ELP2: variants seen among roughly 807,000 people sequenced by gnomAD.
ELP2 encodes the protein elongator acetyltransferase complex subunit 2.
A neutral mutation model predicts 119.2 loss-of-function variants in ELP2; 90 were observed. The ratio of observed to expected loss-of-function variants is 0.75; its 90% confidence interval spans 0.64 to 0.90. The LOEUF (loss-of-function observed/expected upper bound fraction) is 0.90. Among genes scored for constraint, ELP2 ranks in the 40% least tolerant of loss-of-function variants. The pLI is 0.00. For missense variants in ELP2, 921 were observed against 967.8 expected (o/e 0.95, Z 0.64); for synonymous variants, 339 against 331.0 (o/e 1.02, Z -0.26).
intron 13 of ELP2, 101 bp downstream of exon 13, chr18:36,156,755 A>G: frequency 9.4e-7 from 1 of 1,061,990 alleles, no homozygotes; most frequent in South Asian, 1.4e-5. Context: ...GGGTAGAAAG[A>G]AAGTAATATT....
In ELP2 at chr18:36,178,753, A is replaced by G. The variant is rs1461890788; in HGVS notation, c.*4112A>G. ...AAAAAAAAAAAAAAAGTTCTCTTGA[A>G]TCATAATTTCAGTATTTATGGATGA... On this transcript the variant is annotated 3_prime_UTR_variant, in exon 22 of 22. Coordinates refer to ENST00000358232, the MANE Select transcript of ELP2 (RefSeq NM_018255.4). The G allele has an allele frequency of 6.6e-5, 10 of 151,924 alleles. No homozygotes were observed. The highest frequency in any genetic ancestry group is 2.4e-4 in the African/African-American group (10 of 41,354). 9.4% of individuals were successfully genotyped at this position (151,924 alleles called of 1,614,324 possible). A position where few individuals can be genotyped will look rare whatever the true frequency, so the allele number is the denominator to read the frequency against.
intron 19 of ELP2, among the ~76,000 whole-genome samples, 176 bp downstream of exon 19, chr18:36,167,398 T>A (rs2090940856): frequency 6.6e-6 from 1 of 152,218 alleles, no homozygotes; most frequent in African/African-American, 2.4e-5. Context: ...TGTTAAATTC[T>A]ATAAGTAAAT....
At chr18:36,149,488 GT>G (rs71166097) in intron 11 of ELP2, among the ~76,000 whole-genome samples, 7 of 125,094 alleles carry the variant, frequency 5.6e-5, no homozygotes, top group African/African-American at 1.5e-4. Flanking sequence ...GTTTTGTTTT[GT>G]TTTTTTTTTT....
chr18:36,134,851 G>A (rs1299982337), intron 2 of ELP2, among the ~76,000 whole-genome samples: 1 of 152,048 alleles, frequency 6.6e-6, no homozygotes, highest in Non-Finnish European at 1.5e-5. Context: ...TTTTGATATG[G>A]GTTCTGAATT....
intron 21 of ELP2, among the ~76,000 whole-genome samples, chr18:36,172,631 A>G (rs192505552): frequency 3.9e-4 from 59 of 152,190 alleles, no homozygotes; most frequent in Non-Finnish European, 6.9e-4. Context: ...TTGAAATTCC[A>G]TGCTTCAGGC....
intron 8 of ELP2, 118 bp from the exon 9 acceptor site, chr18:36,144,821 A>T: frequency 1.3e-6 from 1 of 775,426 alleles, no homozygotes; most frequent in Non-Finnish European, 2.2e-6. Flanking sequence ...TTGAATCCCA[A>T]CTATCATATT....
chr18:36,142,884 G>T lies in ELP2; in HGVS notation c.714G>T (p.Leu238=). 1.2e-6 allele frequency: 2 copies of T among 1,604,534 alleles called. No individual in the cohort carries two copies. Among genetic ancestry groups the T allele is most frequent in the Non-Finnish European group, 1.7e-6 (2 of 1,172,174 alleles). Residue 238 remains leucine, a synonymous_variant, in exon 8 of 22, where the codon CTG becomes CTT. Coordinates refer to ENST00000358232, the MANE Select transcript of ELP2 (RefSeq NM_018255.4). ...SQDCLIRIWK[L]YIKSTSLETQ... ...ATTGCCTGATAAGAATATGGAAGCT[G>T]TATATAAAGTCAACATCTTTAGAAA...
intron 3 of ELP2, among the ~76,000 whole-genome samples, chr18:36,137,793 A>G (rs1391901746): frequency 1.7e-5 from 2 of 118,102 alleles, no homozygotes; most frequent in Admixed American, 2.2e-4. Context: ...AAGTATACTC[A>G]TATTATCACC....
intron 17 of ELP2, 51 bp from the exon 18 acceptor site, chr18:36,164,419 TTTCTC>T (rs1384289432): frequency 2.0e-6 from 3 of 1,495,908 alleles, no homozygotes; most frequent in East Asian, 4.5e-5. Context: ...TTTAAAATGT[TTTCTC>T]TTCAGTTTAT....
Position 36,142,826 on chromosome 18 carries a change from G to T in ELP2, c.656G>T (p.Gly219Val). 1 of 1,593,870 alleles carries T rather than the reference G, an allele frequency of 6.3e-7. No homozygotes were observed. The highest frequency in any genetic ancestry group is 1.3e-5 in the African/African-American group (1 of 74,472). The change falls in exon 8 of 22, where the codon GGT (glycine) becomes GTT (valine). Residue 219 changes from glycine to valine, a missense_variant and splice_region_variant. Transcript: ENST00000358232. Reference protein sequence around the residue: ...WIRGVEWAAFGRDLFLASCSQ... With the variant: ...WIRGVEWAAFVRDLFLASCSQ... Reference sequence around the variant, plus strand: ...TTAATACAACTTATTTTTTAATTAGGTAGAGATCTTTTCCTAGCAAGCTGT... The same window carrying T: ...TTAATACAACTTATTTTTTAATTAGTTAGAGATCTTTTCCTAGCAAGCTGT...
In ELP2 at chr18:36,170,097, A is replaced by G. The variant is rs199910336; in HGVS notation, c.2111A>G (p.Asp704Gly). The G allele has an allele frequency of 1.5e-4, 237 of 1,614,070 alleles. 1 individual carries two copies. In the South Asian group the frequency reaches 1.9e-3, roughly 13 times the overall value. Residue 704 changes from aspartate (D) to glycine (G), a missense_variant, in exon 20 of 22, where the codon GAC (aspartate) becomes GGC (glycine). Coordinates refer to ENST00000358232, the MANE Select transcript of ELP2 (RefSeq NM_018255.4). ...VVWGECDSTDDCIEHNIGPCS... is the reference protein window; with the variant it reads ...VVWGECDSTDGCIEHNIGPCS... ...TGGGGTGAGTGCGACTCCACTGATG[A>G]CTGTATTGAGCACAACATTGGCCCC...
chr18:36,132,231 G>A (rs79463406), intron 1 of ELP2, among the ~76,000 whole-genome samples: 8,197 of 152,222 alleles, frequency 0.054, 278 homozygotes, highest in East Asian at 0.098. Flanking sequence ...CATTTCAAAT[G>A]CTAAAATAAA....
In ELP2 at chr18:36,138,671, G is replaced by T; in HGVS notation, c.446-124G>T. 68 of 926,032 alleles carry T rather than the reference G, an allele frequency of 7.3e-5. No homozygotes were observed. The South Asian group carries it at 8.9e-4, about 12-fold the overall frequency. 57.4% of individuals were successfully genotyped at this position (926,032 alleles called of 1,614,324 possible). A position where few individuals can be genotyped will look rare whatever the true frequency, so the allele number is the denominator to read the frequency against. ...ATTTAACTTCACATGGTCAGTGGGG[G>T]CTCAGGATTGACTTCTCTCATCTCC... On this transcript the variant is annotated intron_variant, in intron 4 of 21. Coordinates refer to ENST00000358232, the MANE Select transcript of ELP2 (RefSeq NM_018255.4).
intron 18 of ELP2, 193 bp from the exon 19 acceptor site, chr18:36,166,908 C>T (rs2090924941): frequency 2.4e-6 from 1 of 414,786 alleles, no homozygotes; most frequent in African/African-American, 2.1e-5. Context: ...AAAGCATTCC[C>T]TACTAGAAAA....
chr18:36,143,092 T>C, intron 8 of ELP2, 126 bp downstream of exon 8: 4 of 706,944 alleles, frequency 5.7e-6, no homozygotes, highest in Non-Finnish European at 9.2e-6. Context: ...CTGAAATTTC[T>C]TTTTTCTTTC....
intron 16 of ELP2, among the ~76,000 whole-genome samples, chr18:36,160,534 C>T (rs2090703964): frequency 6.7e-6 from 1 of 149,992 alleles, no homozygotes; most frequent in Non-Finnish European, 1.5e-5. Context: ...GCCATGATTG[C>T]ACCACTGCAC....
In ELP2 at chr18:36,167,198, C is replaced by A; in HGVS notation, c.2052C>A (p.Phe684Leu). 2 of 1,593,434 alleles carry A rather than the reference C, an allele frequency of 1.3e-6. No homozygotes were observed. Among genetic ancestry groups the A allele is most frequent in the South Asian group, 1.2e-5 (1 of 85,636 alleles). Residue 684 changes from phenylalanine (F) to leucine (L), a missense_variant, in exon 19 of 22, where the codon TTC (phenylalanine) becomes TTA (leucine). By Grantham distance (22) the Phe-to-Leu change is conservative (BLOSUM62 0). Coordinates refer to ENST00000358232, the MANE Select transcript of ELP2 (RefSeq NM_018255.4). Reference protein sequence around the residue: ...SCDWSPDSKYFFTGSRDKKVV... With the variant: ...SCDWSPDSKYLFTGSRDKKVV... ...ATTGGAGTCCTGACAGCAAGTATTT[C>A]TTCACTGGGAGTCGAGACAAAAAGG... is the stretch of plus-strand genomic sequence containing the variant.
At chr18:36,143,075 T>C (rs2090086879) in intron 8 of ELP2, 109 bp downstream of exon 8, 2 of 777,594 alleles carry the variant, frequency 2.6e-6, no homozygotes, top group African/African-American at 3.6e-5. Flanking sequence ...AATTGTCAGA[T>C]TCCTACCTGA....
At chr18:36,150,388 T>C (rs1406400359) in intron 11 of ELP2, among the ~76,000 whole-genome samples, 4 of 152,206 alleles carry the variant, frequency 2.6e-5, no homozygotes. Flanking sequence ...ATAAAGCATT[T>C]CCGTTTTATT....
Sources: allele counts gnomAD v4.1 joint callset (sites outside exome capture counted in the v4.1 genomes callset), GRCh38; gene constraint gnomAD v4.1.1; transcripts MANE v1.5; gene names NCBI Gene and HGNC (gene_info 2026-07-23, HGNC 2026-07-21).